Variants in PRH1 observed in about 807,000 individuals in gnomAD.
PRH1 encodes salivary acidic proline-rich phosphoprotein 1/2.
In PRH1, 7 loss-of-function variants were observed where a neutral mutation model predicts 7.9. The observed-to-expected ratio is 0.89, with a 90% CI of 0.50 to 1.67. PRH1 has a LOEUF of 1.67. Ranked by LOEUF, PRH1 falls within the 40% of genes most tolerant of loss-of-function variation. PRH1 has a pLI of 0.00. For synonymous variants in PRH1, 45 were observed against 80.8 expected, an observed-to-expected ratio of 0.56 and a Z score of 2.38; for missense variants, 109 against 223.6, an observed-to-expected ratio of 0.49 and a Z score of 3.27.
rs185791635 is a variant in PRH1, at chr12:11,040,556, G to A, written c.-126+6464C>T. 2.0e-5 allele frequency among the ~76,000 whole-genome samples: 3 copies of A among 152,234 alleles called. No homozygotes were observed. The East Asian group carries it at 5.8e-4, about 29-fold the overall frequency. ...CAGGGAGGGGAACATCACACACCTG[G>A]GCCTTTTGGAGGGTGGGGAGCTAGG... On this transcript the variant is annotated intron_variant, in intron 1 of 3. Transcript: ENST00000539853.
At chr12:10,937,368 G>T (rs190549952) in intron 2 of PRH1, 1 of 152,110 alleles carries the variant, frequency 6.6e-6, no homozygotes, top group South Asian at 2.1e-4. Context: ...GGTCAGAGGA[G>T]AGGGAAAATA....
At chr12:11,054,679 T>C (rs972096064) in intron 1 of PRH1, among the ~76,000 whole-genome samples, 2 of 152,220 alleles carry the variant, frequency 1.3e-5, no homozygotes, top group Admixed American at 6.5e-5. Flanking sequence ...TATATTACTA[T>C]AATTTATTGG....
At chr12:11,024,601 C>T (rs796352674) in intron 1 of PRH1, among the ~76,000 whole-genome samples, 6 of 138,362 alleles carry the variant, frequency 4.3e-5, no homozygotes, top group African/African-American at 1.5e-4. Context: ...TTAACCCCAT[C>T]ATTGCATGTA....
At chr12:11,168,226 A>C (rs1233288034) in intron 1 of PRH1, among the ~76,000 whole-genome samples, 1 of 5,104 alleles carries the variant, frequency 2.0e-4, no homozygotes, top group African/African-American at 3.8e-4. Context: ...GAAAGAAAGA[A>C]AGAAAGAAAG....
chr12:11,048,442 A>T (rs2708319), upstream of PRH1: 1 of 327,952 alleles, frequency 3.0e-6, no homozygotes. Flanking sequence ...GTGGAACAAA[A>T]GATACATGAA....
At chr12:11,049,422 G>A (rs1000860636), upstream of PRH1, among the ~76,000 whole-genome samples, 1 of 152,258 alleles carries the variant, frequency 6.6e-6, no homozygotes. Flanking sequence ...ACCATCATAT[G>A]CTAATGGATG....
intron 1 of PRH1, among the ~76,000 whole-genome samples, chr12:11,087,082 A>G (rs1302896204): frequency 8.8e-6 from 1 of 113,594 alleles, no homozygotes; most frequent in Non-Finnish European, 2.1e-5. Context: ...TATTTAAGAT[A>G]CCAGTGAGAA....
Position 11,091,945 on chromosome 12 carries a change from G to A in PRH1, n.124-44757C>T. The A allele has an allele frequency of 4.9e-6, 6 of 1,229,342 alleles. 2 individuals are homozygous for A. The highest frequency in any genetic ancestry group is 6.9e-6 in the Non-Finnish European group (6 of 867,384). 76.2% of individuals were successfully genotyped at this position (1,229,342 alleles called of 1,614,324 possible). On this transcript the variant is annotated intron_variant and non_coding_transcript_variant, in intron 1 of 4. Coordinates refer to the PRH1 transcript ENST00000541977. ...TGCTGAGGGTAGTAGCAAGCCAGTT[G>A]CTGAAATGGTTGATCACTGCCCAGA...
chr12:11,153,791 G>C (rs977745219), intron 1 of PRH1, among the ~76,000 whole-genome samples: 7 of 152,142 alleles, frequency 4.6e-5, no homozygotes, highest in Non-Finnish European at 8.8e-5. Flanking sequence ...GTAAGATTTT[G>C]TGAATTTTAT....
At chr12:10,997,213 G>C in intron 1 of PRH1, 1 of 1,614,058 alleles carries the variant, frequency 6.2e-7, no homozygotes, top group Admixed American at 1.7e-5. Flanking sequence ...TGTGGATCTT[G>C]GTGCTGGGAT....
chr12:10,884,588 T>A (rs1480789020), upstream of PRH1, among the ~76,000 whole-genome samples: 3 of 152,208 alleles, frequency 2.0e-5, no homozygotes, highest in African/African-American at 7.2e-5. Context: ...TTCACTGTGC[T>A]TTTCATTTCT....
chr12:10,901,809 T>G (rs1949728283), intron 2 of PRH1, among the ~76,000 whole-genome samples: 1 of 78,046 alleles, frequency 1.3e-5, no homozygotes, highest in Non-Finnish European at 3.3e-5. Context: ...GGAGGGGGAA[T>G]GGAAAGGGAA....
intron 1 of PRH1, among the ~76,000 whole-genome samples, chr12:11,017,648 C>G (rs1293306930): frequency 6.6e-6 from 1 of 151,878 alleles, no homozygotes; most frequent in African/African-American, 2.4e-5. Flanking sequence ...CCATGCCTGG[C>G]TAAATTTTTT....
intron 1 of PRH1, chr12:11,061,658 C>T (rs772352695): frequency 1.2e-6 from 2 of 1,614,080 alleles, no homozygotes; most frequent in Admixed American, 1.7e-5. Flanking sequence ...GATCCTTTGC[C>T]ATGGAGCTGC....
chr12:11,085,895 T>C (rs1435043927), intron 1 of PRH1, among the ~76,000 whole-genome samples: 2 of 118,722 alleles, frequency 1.7e-5, no homozygotes, highest in South Asian at 4.6e-4. Flanking sequence ...CACTGTTATA[T>C]GTAGCTTGGT....
At chr12:11,109,200 C>T (rs1945517622) in intron 1 of PRH1, among the ~76,000 whole-genome samples, 1 of 152,180 alleles carries the variant, frequency 6.6e-6, no homozygotes, top group Non-Finnish European at 1.5e-5. Flanking sequence ...TCTCATCTCC[C>T]TGGGACAGAG....
chr12:11,002,581 C>T (rs1289262461), intron 1 of PRH1, among the ~76,000 whole-genome samples: 1 of 151,968 alleles, frequency 6.6e-6, no homozygotes, highest in Non-Finnish European at 1.5e-5. Context: ...ATATAGCATA[C>T]AAACTGTATT....
Position 11,079,852 on chromosome 12 carries a change from T to C in PRH1, n.124-32664A>G, listed in dbSNP as rs1229695478. On this transcript the variant is annotated intron_variant and non_coding_transcript_variant, in intron 1 of 4. Coordinates refer to the PRH1 transcript ENST00000541977. ...GTTATACATAAATGTATAAAAATAG[T>C]GAATTTTTCCCTTCGGTATATAATG... 1.7e-5 allele frequency among the ~76,000 whole-genome samples: 2 copies of C among 116,768 alleles called. 1 individual carries two copies. Among genetic ancestry groups the C allele is most frequent in the Non-Finnish European group, 4.1e-5 (2 of 49,164 alleles). The allele number at this position is 116,768 out of a possible 152,430, so 76.6% of individuals were successfully genotyped here.
chr12:11,115,829 GA>G (rs1565667818), intron 1 of PRH1, among the ~76,000 whole-genome samples: 1 of 151,730 alleles, frequency 6.6e-6, no homozygotes, highest in African/African-American at 2.4e-5. Context: ...AAAGGAAATT[GA>G]AAAAATGCTA....
Sources: allele counts gnomAD v4.1 joint callset (sites outside exome capture counted in the v4.1 genomes callset), GRCh38; gene constraint gnomAD v4.1.1; transcripts MANE v1.5; gene names NCBI Gene and HGNC (gene_info 2026-07-23, HGNC 2026-07-21).